CLNK: variants seen among roughly 807,000 people sequenced by gnomAD.
CLNK encodes the protein cytokine-dependent hematopoietic cell linker.
CLNK carries 74 observed loss-of-function variants against 68.6 expected under a neutral mutation model. The ratio of observed to expected loss-of-function variants is 1.08; its 90% confidence interval spans 0.89 to 1.31. The LOEUF (loss-of-function observed/expected upper bound fraction) is 1.31, where lower values mean the gene tolerates loss of function less well. CLNK is among the 50% of genes most tolerant of loss of function. CLNK has a pLI of 0.00. For missense variants in CLNK, 553 were observed against 515.3 expected (o/e 1.07, Z -0.71); for synonymous variants, 198 against 172.2 (o/e 1.15, Z -1.17).
chr4:10,681,796 G>A (rs950534419), intron 1 of CLNK, among the ~76,000 whole-genome samples: 18 of 152,152 alleles, frequency 1.2e-4, no homozygotes, highest in Admixed American at 7.9e-4. Context: ...CTCGGGGCTC[G>A]GGTGGACCTG....
intron 16 of CLNK, among the ~76,000 whole-genome samples, chr4:10,510,958 G>C (rs1717555681): frequency 6.6e-6 from 1 of 152,224 alleles, no homozygotes; most frequent in Admixed American, 6.5e-5. Flanking sequence ...TTCAAGATCA[G>C]CCTGGCCAAC....
chr4:10,645,939 T>G (rs1016456405), intron 2 of CLNK, among the ~76,000 whole-genome samples: 1 of 152,146 alleles, frequency 6.6e-6, no homozygotes, highest in Non-Finnish European at 1.5e-5. Flanking sequence ...TGTATCCAAG[T>G]AGATGCCCAT....
At chr4:10,562,286 A>G (rs2108821003) in intron 7 of CLNK, among the ~76,000 whole-genome samples, 1 of 152,190 alleles carries the variant, frequency 6.6e-6, no homozygotes, top group East Asian at 1.9e-4. Context: ...GATGGATTTT[A>G]TAGGTAAGAT....
At chr4:10,513,333 C>T in intron 16 of CLNK, 131 bp downstream of exon 16, 1 of 709,514 alleles carries the variant, frequency 1.4e-6, no homozygotes, top group East Asian at 3.1e-5. Flanking sequence ...TATTAAAACC[C>T]AGTAACATAT....
chr4:10,644,634 G>T (rs946183466), intron 2 of CLNK, among the ~76,000 whole-genome samples: 2 of 151,844 alleles, frequency 1.3e-5, no homozygotes, highest in Non-Finnish European at 2.9e-5. Context: ...ATTTAAGAGG[G>T]CACCAAACAA....
intron 2 of CLNK, among the ~76,000 whole-genome samples, chr4:10,608,664 C>T (rs866992832): frequency 1.3e-5 from 2 of 152,190 alleles, no homozygotes; most frequent in African/African-American, 4.8e-5. Context: ...GTGTTGAAAT[C>T]GGGAAGAAAA....
chr4:10,602,943 G>A (rs553583559), intron 2 of CLNK, among the ~76,000 whole-genome samples: 18 of 152,294 alleles, frequency 1.2e-4, no homozygotes, highest in East Asian at 1.9e-4. Context: ...GCAAGTTGAC[G>A]GTGGAGAGTA....
At chr4:10,534,943 C>T (rs563131432) in intron 11 of CLNK, among the ~76,000 whole-genome samples, 2 of 152,222 alleles carry the variant, frequency 1.3e-5, no homozygotes, top group African/African-American at 4.8e-5. Context: ...TAAAAGACCA[C>T]GGTTTCTCGA....
the CLNK span, among the ~76,000 whole-genome samples, chr4:10,704,467 T>A: frequency 6.6e-6 from 1 of 152,056 alleles, no homozygotes. Flanking sequence ...AAATATTTTT[T>A]TTTTCTTGCT....
chr4:10,564,812 AC>A (rs766428836), intron 6 of CLNK, 35 bp from the exon 7 acceptor site: 6 of 1,235,904 alleles, frequency 4.9e-6, no homozygotes, highest in Non-Finnish European at 7.2e-6. Context: ...GTCATACCTT[AC>A]GTGGACTCAG....
chr4:10,598,135 G>A (rs1228463365), intron 2 of CLNK, 86 bp from the exon 3 acceptor site: 2 of 858,812 alleles, frequency 2.3e-6, no homozygotes, highest in African/African-American at 1.7e-5. Flanking sequence ...CATAGAAAGA[G>A]CCACCCAGTC....
intron 18 of CLNK, among the ~76,000 whole-genome samples, chr4:10,500,268 C>T (rs902427775): frequency 6.6e-6 from 1 of 152,176 alleles, no homozygotes; most frequent in Non-Finnish European, 1.5e-5. Context: ...GAAGCCTCTC[C>T]TTCCCCCTTC....
intron 2 of CLNK, among the ~76,000 whole-genome samples, chr4:10,639,648 T>C (rs1723230177): frequency 6.6e-6 from 1 of 152,246 alleles, no homozygotes; most frequent in Non-Finnish European, 1.5e-5. Flanking sequence ...TACTTAAATA[T>C]AACTTAAAAT....
chr4:10,530,867 G>A lies in CLNK; in HGVS notation c.630+1389C>T, dbSNP rs145623302. On this transcript the variant is annotated intron_variant, in intron 12 of 18. Transcript: ENST00000226951. ...GCTCCTTCCAGGTGACACTAAGGAAGTGCAACCCCTCCCAGAAGAGCATGA... is the reference window on the plus strand; with the variant it reads ...GCTCCTTCCAGGTGACACTAAGGAAATGCAACCCCTCCCAGAAGAGCATGA... Among the ~76,000 whole-genome samples, 795 of 152,266 alleles carry A rather than the reference G, an allele frequency of 5.2e-3. 7 individuals carry two copies. Among genetic ancestry groups the A allele is most frequent in the Non-Finnish European group, 7.4e-3 (505 of 68,012 alleles).
At chr4:10,510,596 C>T (rs977632385) in intron 16 of CLNK, among the ~76,000 whole-genome samples, 7 of 152,174 alleles carry the variant, frequency 4.6e-5, no homozygotes, top group Non-Finnish European at 8.8e-5. Context: ...GGGTCAGACA[C>T]GCCTCATAGC....
the CLNK span, among the ~76,000 whole-genome samples, chr4:10,703,404 T>G: frequency 1.3e-5 from 2 of 151,844 alleles, no homozygotes; most frequent in Admixed American, 6.6e-5. Context: ...GAGAAACACG[T>G]TTTGGGGGTT....
intron 12 of CLNK, among the ~76,000 whole-genome samples, 187 bp downstream of exon 12, chr4:10,532,050 CAAACAGGATCTTGGTTTAA>C (rs1718565546): frequency 6.6e-6 from 1 of 152,174 alleles, no homozygotes. Context: ...CCATGGTGGC[CAAACAGGATCTTGGTTTAA>C]AATCTGGAGC....
At chr4:10,722,776 G>A in the CLNK span, among the ~76,000 whole-genome samples, 22 of 152,324 alleles carry the variant, frequency 1.4e-4, no homozygotes, top group African/African-American at 4.8e-4. Context: ...ACGGCAGGGC[G>A]TGGTGGCTCA....
chr4:10,700,464 T>C, the CLNK span, among the ~76,000 whole-genome samples: 1 of 152,226 alleles, frequency 6.6e-6, no homozygotes. Flanking sequence ...GTTGTTATTA[T>C]ACATTCACAG....
Sources: allele counts gnomAD v4.1 joint callset (sites outside exome capture counted in the v4.1 genomes callset), GRCh38; gene constraint gnomAD v4.1.1; transcripts MANE v1.5; gene names NCBI Gene and HGNC (gene_info 2026-07-23, HGNC 2026-07-21).